ILK: variants seen among roughly 807,000 people sequenced by gnomAD.
The protein encoded by ILK is scaffold protein ILK.
A neutral mutation model predicts 57.8 loss-of-function variants in ILK; 37 were observed. That is an observed-to-expected ratio of 0.64 (90% confidence interval 0.49 to 0.84). The LOEUF (loss-of-function observed/expected upper bound fraction) is 0.84, where lower values mean the gene tolerates loss of function less well. ILK is among the 40% of genes least tolerant of loss of function. The pLI is 0.00. For missense variants in ILK, 528 were observed against 595.7 expected, an observed-to-expected ratio of 0.89 and a Z score of 1.18; for synonymous variants, 231 against 202.2, an observed-to-expected ratio of 1.14 and a Z score of -1.21.
rs377346771 is a variant in ILK at position 6,609,057 on chromosome 11, G to A, written c.533-14G>A. On this transcript the variant is annotated splice_polypyrimidine_tract_variant and intron_variant, in intron 6 of 12. Coordinates refer to ENST00000299421, the MANE Select transcript of ILK (RefSeq NM_004517.4). ...TAGGGTGAAGCTGGGTACCTGACCT[G>A]CCCACACTCTTAGGAAATGGAACCC... 111 of 1,613,034 alleles carry A rather than the reference G, an allele frequency of 6.9e-5. No homozygotes were observed. Among genetic ancestry groups the A allele is most frequent in the Non-Finnish European group, 8.3e-5 (98 of 1,179,106 alleles).
chr11:6,608,582 AC>A lies in ILK; in HGVS notation c.351+94del. 1.5e-6 allele frequency: 2 copies of A among 1,330,842 alleles called. No individual in the cohort carries two copies. Among genetic ancestry groups the A allele is most frequent in the Non-Finnish European group, 1.1e-6 (1 of 921,758 alleles). 82.4% of individuals were successfully genotyped at this position (1,330,842 alleles called of 1,614,324 possible). Reference sequence around the variant, plus strand: ...GGAACCCTCAACCCATTCTGTCAGTACTACTGTGTGACACTTACAGGATTAA... The same window carrying A: ...GGAACCCTCAACCCATTCTGTCAGTATACTGTGTGACACTTACAGGATTAA... On this transcript the variant is annotated intron_variant, in intron 4 of 12. Transcript: ENST00000299421. This position sits in a 1 kb window ranked among gnomAD's most constrained non-coding sequence, Gnocchi z 4.9.
At chr11:6,603,912 G>C in intron 1 of ILK, 90 bp downstream of exon 1, 1 of 439,640 alleles carries the variant, frequency 2.3e-6, no homozygotes, top group South Asian at 2.6e-5. Context: ...GAGGACCCCC[G>C]GTCCCCTCTC....
chr11:6,604,760 C>A (rs779491452), intron 2 of ILK: 42 of 474,622 alleles, frequency 8.8e-5, no homozygotes, highest in Non-Finnish European at 1.7e-4. Flanking sequence ...TCAGCCAGAT[C>A]ATGCAAGCAT....
At position 6,608,150 on chromosome 11, in the gene ILK, G is replaced by T. The variant is rs761544290; in HGVS notation, c.194G>T (p.Arg65Leu). 10 of 1,614,018 alleles carry T rather than the reference G, an allele frequency of 6.2e-6. No homozygotes were observed. Among genetic ancestry groups the T allele is most frequent in the Non-Finnish European group, 8.5e-6 (10 of 1,180,040 alleles). ...GGGGCACGGATCAATGTAATGAACCGTGGGGATGACACCCCCCTGCATCTG... is the reference window on the plus strand; with the variant it reads ...GGGGCACGGATCAATGTAATGAACCTTGGGGATGACACCCCCCTGCATCTG... ...MRGARINVMN[R>L]GDDTPLHLAA... The change falls in exon 3 of 13, where the codon CGT (arginine) becomes CTT (leucine). Residue 65 changes from arginine to leucine, a missense_variant. By Grantham distance (102) the Arg-to-Leu change is moderately radical. Coordinates refer to ENST00000299421, the MANE Select transcript of ILK (RefSeq NM_004517.4). This position sits in a 1 kb window ranked among gnomAD's most constrained non-coding sequence, Gnocchi z 4.9.
intron 7 of ILK, 70 bp from the exon 8 acceptor site, chr11:6,609,229 T>A: frequency 6.2e-7 from 1 of 1,602,852 alleles, no homozygotes; most frequent in Non-Finnish European, 8.5e-7. Flanking sequence ...GTTTTAAGTT[T>A]TTCCTCCAGT....
At position 6,608,615 on chromosome 11, in the gene ILK, C is replaced by T; in HGVS notation, c.352-79C>T. 7 of 1,368,358 alleles carry T rather than the reference C, an allele frequency of 5.1e-6. No homozygotes were observed. Among genetic ancestry groups the T allele is most frequent in the Non-Finnish European group, 6.3e-6 (6 of 955,760 alleles). The allele number at this position is 1,368,358 out of a possible 1,614,324, so 84.8% of individuals were successfully genotyped here. A position where few individuals can be genotyped will look rare whatever the true frequency, so the allele number is the denominator to read the frequency against. On this transcript the variant is annotated intron_variant, in intron 4 of 12. Coordinates refer to ENST00000299421, the MANE Select transcript of ILK (RefSeq NM_004517.4). This position sits in a 1 kb window ranked among gnomAD's most constrained non-coding sequence, Gnocchi z 4.9. ...GTGACACTTACAGGATTAAGTTCTA[C>T]ATTTGTGCATTCATGGTTGGTTCAG...
In ILK at chr11:6,609,614, C is replaced by G; in HGVS notation, c.831C>G (p.Leu277=). ...CACACTGGATGCCGTATGGATCCCT[C>G]TACAATGTACTACATGAAGGCACCA... ...LITHWMPYGS[L]YNVLHEGTNF... The change falls in exon 9 of 13, where the codon CTC becomes CTG. Residue 277 remains leucine, a synonymous_variant. Transcript: ENST00000299421. 2 of 1,614,162 alleles carry G rather than the reference C, an allele frequency of 1.2e-6. No individual in the cohort carries two copies. Among genetic ancestry groups the G allele is most frequent in the African/African-American group, 1.3e-5 (1 of 75,036 alleles).
At chr11:6,604,569 C>T (rs1251537107) in intron 2 of ILK, 9 of 642,638 alleles carry the variant, frequency 1.4e-5, no homozygotes, top group Non-Finnish European at 2.5e-5. Context: ...GCAGAGGCTA[C>T]AGAGAGCTTT....
Position 6,609,334 on chromosome 11 carries a change from C to T in ILK, c.654C>T (p.Val218=), listed in dbSNP as rs770261491. Residue 218 remains valine (V), a synonymous_variant, in exon 8 of 13, where the codon GTC becomes GTT. Coordinates refer to ENST00000299421, the MANE Select transcript of ILK (RefSeq NM_004517.4). The part of the protein sequence containing the change: ...WKGRWQGNDI[V]VKVLKVRDWS... ...GCCGCTGGCAGGGCAATGACATTGT[C>T]GTGAAGGTGCTGAAGGTTCGAGACT... 9.3e-6 allele frequency: 15 copies of T among 1,614,024 alleles called. No homozygotes were observed. The highest frequency in any genetic ancestry group is 2.2e-5 in the East Asian group (1 of 44,902).
intron 2 of ILK, among the ~76,000 whole-genome samples, chr11:6,605,211 G>A (rs1854740053): frequency 1.3e-5 from 2 of 152,254 alleles, no homozygotes; most frequent in East Asian, 3.9e-4. Context: ...CTGACTTGGA[G>A]ACACAGATTT....
In ILK at chr11:6,608,735, G is replaced by GT; in HGVS notation, c.394dup (p.Tyr132LeufsTer58). 6.2e-7 allele frequency: 1 copy of GT among 1,614,166 alleles called. No individual in the cohort carries two copies. Among genetic ancestry groups the GT allele is most frequent in the Non-Finnish European group, 8.5e-7 (1 of 1,180,010 alleles). ...GGGCCCTTGTCAGCATCTGTAACAAGTATGGAGAGATGCCTGTGGACAAAG... is the reference window on the plus strand; with the variant it reads ...GGGCCCTTGTCAGCATCTGTAACAAGTTATGGAGAGATGCCTGTGGACAAAG... On this transcript the variant is annotated frameshift_variant, in exon 5 of 13. Transcript: ENST00000299421. LOFTEE classifies it high-confidence loss of function. This position sits in a 1 kb window ranked among gnomAD's most constrained non-coding sequence, Gnocchi z 4.9.
In ILK at chr11:6,608,849, T is replaced by A; in HGVS notation, c.449-35T>A. ...CGTCCCTTCCCACCTGTCTTCTCCC[T>A]CTGTACCACAGCTTAGGTTGTTTTT... On this transcript the variant is annotated intron_variant, in intron 5 of 12. Coordinates refer to ENST00000299421, the MANE Select transcript of ILK (RefSeq NM_004517.4). This position sits in a 1 kb window ranked among gnomAD's most constrained non-coding sequence, Gnocchi z 4.9. 1 of 1,613,512 alleles carries A rather than the reference T, an allele frequency of 6.2e-7. No homozygotes were observed. The highest frequency in any genetic ancestry group is 8.5e-7 in the Non-Finnish European group (1 of 1,179,410).
intron 2 of ILK, among the ~76,000 whole-genome samples, chr11:6,605,896 C>T (rs1854854920): frequency 6.6e-6 from 1 of 152,212 alleles, no homozygotes; most frequent in Non-Finnish European, 1.5e-5. Flanking sequence ...GAAAAGTAGG[C>T]CGGGCGCGGT....
In ILK at chr11:6,610,561, C is replaced by T; in HGVS notation, c.1309C>T (p.Pro437Ser). ...ICMNEDPAKRPKFDMIVPILE... is the reference protein window; with the variant it reads ...ICMNEDPAKRSKFDMIVPILE... Reference sequence around the variant, plus strand: ...CATGAATGAAGACCCTGCAAAGCGACCCAAATTTGACATGATTGTGCCTAT... The same window carrying T: ...CATGAATGAAGACCCTGCAAAGCGATCCAAATTTGACATGATTGTGCCTAT... Residue 437 changes from proline (P) to serine (S), a missense_variant, in exon 13 of 13, where the codon CCC becomes TCC. Coordinates refer to ENST00000299421, the MANE Select transcript of ILK (RefSeq NM_004517.4). 1 of 1,614,198 alleles carries T rather than the reference C, an allele frequency of 6.2e-7. No individual in the cohort carries two copies. The highest frequency in any genetic ancestry group is 8.5e-7 in the Non-Finnish European group (1 of 1,180,034).
In ILK at chr11:6,609,958, G is replaced by A. The variant is rs566678782; in HGVS notation, c.1001G>A (p.Arg334Gln). 13 of 1,614,126 alleles carry A rather than the reference G, an allele frequency of 8.1e-6. No homozygotes were observed. Among genetic ancestry groups the A allele is most frequent in the South Asian group, 4.4e-5 (4 of 91,084 alleles). ...CAGATTGATGAGGACATGACTGCCCGAATTAGCATGGCTGATGTCAAGTTC... is the reference window on the plus strand; with the variant it reads ...CAGATTGATGAGGACATGACTGCCCAAATTAGCATGGCTGATGTCAAGTTC... The part of the protein sequence containing the change: ...SVMIDEDMTA[R>Q]ISMADVKFSF... Residue 334 changes from arginine to glutamine, a missense_variant, in exon 11 of 13, where the codon CGA becomes CAA. Transcript: ENST00000299421.
intron 2 of ILK, 52 bp downstream of exon 2, chr11:6,604,412 C>T (rs770176007): frequency 4.7e-6 from 7 of 1,487,536 alleles, no homozygotes; most frequent in Non-Finnish European, 6.4e-6. Context: ...CTCCTGGCTA[C>T]GTGGAGTGGA....
chr11:6,604,670 G>A, intron 2 of ILK: 2 of 512,474 alleles, frequency 3.9e-6, no homozygotes, highest in Non-Finnish European at 7.1e-6. Context: ...TATGGCTGGA[G>A]GATAGATGAT....
At chr11:6,606,067 G>A (rs778366139) in intron 2 of ILK, among the ~76,000 whole-genome samples, 7 of 152,238 alleles carry the variant, frequency 4.6e-5, no homozygotes, top group South Asian at 2.1e-4. Context: ...CCAGCTACTC[G>A]GAGGCTGAGG....
chr11:6,610,656 T>C lies in ILK; in HGVS notation c.*45T>C. The C allele has an allele frequency of 3.7e-6, 6 of 1,611,906 alleles. No homozygotes were observed. Among genetic ancestry groups the C allele is most frequent in the East Asian group, 2.2e-5 (1 of 44,862 alleles). On this transcript the variant is annotated 3_prime_UTR_variant, in exon 13 of 13. Coordinates refer to ENST00000299421, the MANE Select transcript of ILK (RefSeq NM_004517.4). ...GAACTCCAGAGGTGTCGGGACATGGTTGGGGGAATGCACCTCCCCAAAGCA... is the reference window on the plus strand; with the variant it reads ...GAACTCCAGAGGTGTCGGGACATGGCTGGGGGAATGCACCTCCCCAAAGCA...
Sources: gnomAD v4.1 joint callset for allele counts (sites outside exome capture counted in the v4.1 genomes callset) on GRCh38, gnomAD v4.1.1 for gene constraint, Gnocchi (gnomAD v3.1) non-coding constraint, MANE v1.5 for transcripts, NCBI Gene and HGNC (gene_info 2026-07-23, HGNC 2026-07-21) for gene names.